The following PPP1R21 variants were observed in gnomAD, a reference collection of about 807,000 sequenced individuals.
The protein encoded by PPP1R21 is protein phosphatase 1 regulatory subunit 21, also known as KLRAQ motif containing 1.
A neutral mutation model predicts 112.8 loss-of-function variants in PPP1R21; 85 were observed. The ratio of observed to expected loss-of-function variants is 0.75; its 90% CI spans 0.63 to 0.90. The LOEUF (loss-of-function observed/expected upper bound fraction) is 0.90. PPP1R21 is among the 40% of genes least tolerant of loss of function. PPP1R21 has a pLI of 0.00. For synonymous variants in PPP1R21, 381 were observed against 322.3 expected (o/e 1.18, Z -1.95); for missense variants, 1,199 against 901.5 (o/e 1.33, Z -4.23).
chr2:48,482,525 T>A (rs1558481350), intron 13 of PPP1R21, among the ~76,000 whole-genome samples: 1 of 152,192 alleles, frequency 6.6e-6, no homozygotes, highest in East Asian at 1.9e-4. Flanking sequence ...GAAGGAAACT[T>A]ATTGTGAATA....
chr2:48,481,185 C>T (rs920429395), intron 13 of PPP1R21, among the ~76,000 whole-genome samples: 10 of 152,126 alleles, frequency 6.6e-5, no homozygotes, highest in East Asian at 1.9e-4. Context: ...GATGGGGTTT[C>T]GCCATGTTGG....
At chr2:48,497,055 G>A (rs150385456) in intron 16 of PPP1R21, among the ~76,000 whole-genome samples, 7 of 152,328 alleles carry the variant, frequency 4.6e-5, no homozygotes, top group Non-Finnish European at 8.8e-5. Flanking sequence ...CAAAAAGGGA[G>A]TCATGGGAAC....
chr2:48,456,267 T>TTA (rs1553336492), intron 3 of PPP1R21, among the ~76,000 whole-genome samples: 1 of 151,172 alleles, frequency 6.6e-6, no homozygotes, highest in Non-Finnish European at 1.5e-5. Context: ...TTTTTTTTTT[T>TTA]AAGGGTAGAA....
chr2:48,497,273 A>G lies in PPP1R21; in HGVS notation c.1693-1220A>G, dbSNP rs1572887758. ...GTTTGTTGATGGGGAAATACCCCACATATTTTGGGGTCACAGAAGTCTTCT... is the reference window on the plus strand; with the variant it reads ...GTTTGTTGATGGGGAAATACCCCACGTATTTTGGGGTCACAGAAGTCTTCT... On this transcript the variant is annotated intron_variant, in intron 16 of 21. Coordinates refer to ENST00000294952, the MANE Select transcript of PPP1R21 (RefSeq NM_001135629.3). Among the ~76,000 whole-genome samples, 5 of 152,310 alleles carry G rather than the reference A, an allele frequency of 3.3e-5. No homozygotes were observed. The East Asian group carries it at 9.6e-4, about 29-fold the overall frequency.
intron 20 of PPP1R21, 91 bp from the exon 21 acceptor site, chr2:48,511,249 C>T (rs62135170): frequency 0.19 from 242,361 of 1,255,998 alleles, 25,732 homozygotes; most frequent in Admixed American, 0.29. Context: ...TATAATTTCC[C>T]TACTCCACAT....
At position 48,488,982 on chromosome 2, in the gene PPP1R21, A is replaced by G. The variant is rs140737989; in HGVS notation, c.1447-2036A>G. Among the ~76,000 whole-genome samples, 12 of 152,324 alleles carry G rather than the reference A, an allele frequency of 7.9e-5. No homozygotes were observed. The East Asian group carries it at 2.1e-3, about 27-fold the overall frequency. On this transcript the variant is annotated intron_variant, in intron 14 of 21. Coordinates refer to ENST00000294952, the MANE Select transcript of PPP1R21 (RefSeq NM_001135629.3). ...TCCATGTCATTCACAAGGACTATAT[A>G]TAGCTCAAGATTTTTGGTATCCTTA... is the stretch of plus-strand genomic sequence containing the variant.
intron 20 of PPP1R21, among the ~76,000 whole-genome samples, chr2:48,510,419 G>A (rs185407693): frequency 6.6e-6 from 1 of 152,296 alleles, no homozygotes; most frequent in East Asian, 1.9e-4. Flanking sequence ...CTGTAGGCTT[G>A]TTCTGTACAT....
Position 48,495,710 on chromosome 2 carries a change from C to T in PPP1R21, c.1631C>T (p.Ala544Val). 2 of 1,611,882 alleles carry T rather than the reference C, an allele frequency of 1.2e-6. No individual in the cohort carries two copies. The highest frequency in any genetic ancestry group is 2.2e-5 in the East Asian group (1 of 44,862). Reference sequence around the variant, plus strand: ...TTGGAGTCTGTGCCTTATGAAGAAGCACTGGCAAACCGCCGCATCCTTCTC... The same window carrying T: ...TTGGAGTCTGTGCCTTATGAAGAAGTACTGGCAAACCGCCGCATCCTTCTC... ...PLLESVPYEE[A>V]LANRRILLSS... Residue 544 changes from alanine to valine, a missense_variant, in exon 16 of 22, where the codon GCA (alanine) becomes GTA (valine). Ala to Val is a moderately conservative substitution (Grantham distance 64). Transcript: ENST00000294952.
intron 17 of PPP1R21, among the ~76,000 whole-genome samples, chr2:48,499,809 A>T (rs1036970478): frequency 1.4e-4 from 21 of 152,236 alleles, no homozygotes; most frequent in African/African-American, 3.9e-4. Flanking sequence ...CTGTTATAGA[A>T]TTTAAAGTTA....
chr2:48,441,122 C>A, intron 1 of PPP1R21, 112 bp downstream of exon 1: 1 of 733,540 alleles, frequency 1.4e-6, no homozygotes, highest in Non-Finnish European at 2.4e-6. Context: ...CGAGCGCGCC[C>A]CACCTTTCCC....
intron 16 of PPP1R21, among the ~76,000 whole-genome samples, chr2:48,496,815 A>C (rs893771832): frequency 6.6e-6 from 1 of 152,212 alleles, no homozygotes; most frequent in Non-Finnish European, 1.5e-5. Flanking sequence ...GTTGTCAATC[A>C]TGCCTATCCA....
intron 4 of PPP1R21, among the ~76,000 whole-genome samples, chr2:48,459,091 C>CA (rs747369228): frequency 0.16 from 8,896 of 54,608 alleles, 700 homozygotes; most frequent in Non-Finnish European, 0.2. Flanking sequence ...GACTCTGTCT[C>CA]AAAAAAAAAA....
chr2:48,486,115 G>T (rs944271631), intron 13 of PPP1R21, among the ~76,000 whole-genome samples: 1 of 151,848 alleles, frequency 6.6e-6, no homozygotes, highest in Non-Finnish European at 1.5e-5. Context: ...CAGGCACTGG[G>T]GCGTCCAATC....
chr2:48,460,880 A>G (rs1325284221), intron 6 of PPP1R21, among the ~76,000 whole-genome samples: 1 of 152,244 alleles, frequency 6.6e-6, no homozygotes, highest in East Asian at 1.9e-4. Context: ...GGGGAAATAA[A>G]TGTAAGGTTG....
At chr2:48,480,630 C>G (rs969892149) in intron 13 of PPP1R21, among the ~76,000 whole-genome samples, 1 of 152,102 alleles carries the variant, frequency 6.6e-6, no homozygotes, top group African/African-American at 2.4e-5. Context: ...TAATCTACAA[C>G]TTTGCAATTG....
intron 16 of PPP1R21, among the ~76,000 whole-genome samples, 164 bp from the exon 17 acceptor site, chr2:48,498,329 T>C (rs940456892): frequency 6.6e-6 from 1 of 152,184 alleles, no homozygotes; most frequent in Non-Finnish European, 1.5e-5. Flanking sequence ...GTTGTGCTTT[T>C]TGTATCATGT....
At position 48,460,195 on chromosome 2, in the gene PPP1R21, C is replaced by T. The variant is rs758227681; in HGVS notation, c.599+42C>T. The stretch of plus-strand genomic sequence containing the variant: ...ATTCCAAGAGGGTTCTGAAGCAAGA[C>T]TCAGAAGACATGGGTTTTGGTTGTA... On this transcript the variant is annotated intron_variant, in intron 6 of 21. Coordinates refer to ENST00000294952, the MANE Select transcript of PPP1R21 (RefSeq NM_001135629.3). 6 of 1,596,290 alleles carry T rather than the reference C, an allele frequency of 3.8e-6. No individual in the cohort carries two copies. In the African/African-American group the frequency reaches 6.7e-5, roughly 18 times the overall value.
chr2:48,461,630 C>A (rs1322468719), intron 7 of PPP1R21, among the ~76,000 whole-genome samples: 1 of 152,170 alleles, frequency 6.6e-6, no homozygotes, highest in African/African-American at 2.4e-5. Context: ...CAATTCCCAG[C>A]AATAGCTACG....
chr2:48,486,459 A>G (rs752687344), intron 13 of PPP1R21, among the ~76,000 whole-genome samples, 172 bp from the exon 14 acceptor site: 3 of 152,176 alleles, frequency 2.0e-5, no homozygotes, highest in Non-Finnish European at 2.9e-5. Flanking sequence ...TGTTCTTTCC[A>G]TGTAGATTTG....
Sources: allele counts gnomAD v4.1 joint callset (sites outside exome capture counted in the v4.1 genomes callset), GRCh38; gene constraint gnomAD v4.1.1; transcripts MANE v1.5; gene names NCBI Gene and HGNC (gene_info 2026-07-23, HGNC 2026-07-21).